The following TMEM87A variants were observed in gnomAD, a reference collection of about 807,000 sequenced individuals.
The protein encoded by TMEM87A is Golgi-pH regulating cation channel.
A neutral mutation model predicts 90.0 loss-of-function variants in TMEM87A; 50 were observed. That is an observed-to-expected ratio of 0.56 (90% CI 0.44 to 0.70). The LOEUF is 0.70. Ranked by LOEUF, TMEM87A falls within the 30% of genes least tolerant of loss-of-function variation. The probability of loss-of-function intolerance (pLI) is 0.00; values close to 1 mark genes in which losing one functional copy is unlikely to be tolerated. For missense variants in TMEM87A, 577 were observed against 660.5 expected (o/e 0.87, Z 1.39); for synonymous variants, 226 against 226.7 (o/e 1.00, Z 0.03).
At chr15:42,247,087 C>T (rs12441016) in intron 6 of TMEM87A, among the ~76,000 whole-genome samples, 10,056 of 152,218 alleles carry the variant, frequency 0.066, 735 homozygotes, top group Admixed American at 0.17. Context: ...GCTGCATAAA[C>T]GTCTTCTTCT....
chr15:42,267,134 C>A (rs2051422746), intron 3 of TMEM87A, among the ~76,000 whole-genome samples: 1 of 152,056 alleles, frequency 6.6e-6, no homozygotes, highest in Non-Finnish European at 1.5e-5. Flanking sequence ...ATGAAGAGGG[C>A]AGGGTATAGT....
chr15:42,273,172 C>T (rs183875403), intron 1 of TMEM87A, 83 bp downstream of exon 1: 6 of 1,550,856 alleles, frequency 3.9e-6, no homozygotes, highest in Admixed American at 1.8e-5. Context: ...GAGACTTTTG[C>T]GGAACCTTCA....
At chr15:42,218,066 T>C (rs2050411946) in intron 18 of TMEM87A, 3 of 618,048 alleles carry the variant, frequency 4.9e-6, no homozygotes, top group South Asian at 2.3e-5. Context: ...ATTAAAATTA[T>C]AGCCCTGGAA....
intron 8 of TMEM87A, 30 bp from the exon 9 acceptor site, chr15:42,237,645 G>C: frequency 6.6e-7 from 1 of 1,522,376 alleles, no homozygotes. Flanking sequence ...AAGATAAAAA[G>C]GAGAATTAGG....
chr15:42,261,523 T>A (rs1298286562), intron 4 of TMEM87A, among the ~76,000 whole-genome samples: 2 of 152,194 alleles, frequency 1.3e-5, no homozygotes, highest in African/African-American at 4.8e-5. Context: ...AGATATAGGA[T>A]GTATGCTTAG....
chr15:42,214,547 C>T (rs2050349723), intron 19 of TMEM87A, among the ~76,000 whole-genome samples: 1 of 152,018 alleles, frequency 6.6e-6, no homozygotes, highest in South Asian at 2.1e-4. Context: ...AACTGATCTT[C>T]GAAAAGAGAG....
chr15:42,238,301 C>T (rs1027509336), intron 8 of TMEM87A, among the ~76,000 whole-genome samples: 1 of 151,924 alleles, frequency 6.6e-6, no homozygotes, highest in Admixed American at 6.6e-5. Context: ...GGCATGGTGG[C>T]TCATGCCTGT....
intron 15 of TMEM87A, among the ~76,000 whole-genome samples, chr15:42,223,632 C>T (rs1052239118): frequency 6.6e-6 from 1 of 152,128 alleles, no homozygotes; most frequent in African/African-American, 2.4e-5. Context: ...TGTGACGACC[C>T]AGTAAGAAGG....
rs1361505515 is a variant in TMEM87A at position 42,246,574 on chromosome 15, C to G, written c.505-2407G>C. On this transcript the variant is annotated intron_variant, in intron 6 of 19. Transcript: ENST00000389834. The stretch of plus-strand genomic sequence containing the variant: ...GGTTTTCTGTCCTCGAGAGTTTGCT[C>G]AGAATGATGCTTTCCAGCTTCATCC... Among the ~76,000 whole-genome samples the G allele has an allele frequency of 2.6e-5, 4 of 152,102 alleles. No individual in the cohort carries two copies. In the East Asian group the frequency reaches 7.7e-4, roughly 29 times the overall value.
chr15:42,267,995 G>C lies in TMEM87A; in HGVS notation c.243C>G (p.Thr81=), dbSNP rs370926634. The C allele has an allele frequency of 6.8e-6, 11 of 1,613,378 alleles. No homozygotes were observed. Among genetic ancestry groups the C allele is most frequent in the African/African-American group, 1.3e-5 (1 of 74,974 alleles). ...AACAATCAGCGCTTTTCAGATACCA[G>C]GTTATATTCAAAGACAGGTCACAAG... The part of the protein sequence containing the change: ...GEPCDLSLNI[T]WYLKSADCYN... The change falls in exon 3 of 20, where the codon ACC becomes ACG. Residue 81 remains threonine (T), a synonymous_variant. Transcript: ENST00000389834.
intron 4 of TMEM87A, among the ~76,000 whole-genome samples, chr15:42,261,637 C>CTT (rs3035840): frequency 0.71 from 102,670 of 143,730 alleles, 39,340 homozygotes; most frequent in Non-Finnish European, 0.86. Flanking sequence ...ACCTAATATT[C>CTT]TTTTTTTTTT....
intron 2 of TMEM87A, among the ~76,000 whole-genome samples, chr15:42,270,673 A>G (rs1415475998): frequency 6.6e-6 from 1 of 152,220 alleles, no homozygotes; most frequent in Non-Finnish European, 1.5e-5. Context: ...GGACCTAATA[A>G]AAGAATAAAA....
chr15:42,220,163 A>T, intron 15 of TMEM87A, 28 bp from the exon 16 acceptor site: 1 of 1,561,612 alleles, frequency 6.4e-7, no homozygotes, highest in South Asian at 1.2e-5. Context: ...AACAGAAGGA[A>T]AAAATTAGAA....
intron 10 of TMEM87A, among the ~76,000 whole-genome samples, chr15:42,235,276 C>T (rs770050540): frequency 6.6e-6 from 1 of 152,174 alleles, no homozygotes; most frequent in South Asian, 2.1e-4. Context: ...TGACCTCAGG[C>T]AATCTGCCCG....
intron 6 of TMEM87A, among the ~76,000 whole-genome samples, chr15:42,246,925 T>A (rs1314443173): frequency 1.3e-5 from 2 of 152,236 alleles, no homozygotes; most frequent in Non-Finnish European, 2.9e-5. Context: ...GTAAAAGTGT[T>A]CCTATTTCTC....
intron 6 of TMEM87A, among the ~76,000 whole-genome samples, chr15:42,252,336 G>A (rs1262815724): frequency 1.3e-5 from 2 of 152,154 alleles, no homozygotes; most frequent in South Asian, 2.1e-4. Context: ...TGTCGATCAC[G>A]CTGGGAGCTG....
At chr15:42,220,161 GAA>G (rs1360029757) in intron 15 of TMEM87A, 26 bp from the exon 16 acceptor site, 2 of 1,558,956 alleles carry the variant, frequency 1.3e-6, no homozygotes, top group Admixed American at 4.3e-5. Flanking sequence ...TGAACAGAAG[GAA>G]AAAATTAGAA....
intron 15 of TMEM87A, 139 bp downstream of exon 15, chr15:42,226,667 G>A: frequency 5.6e-6 from 4 of 719,504 alleles, no homozygotes; most frequent in Admixed American, 2.4e-5. Context: ...AGCTGAGATA[G>A]GAACCCAGTT....
At chr15:42,260,840 T>C in intron 6 of TMEM87A, 118 bp downstream of exon 6, 2 of 1,129,560 alleles carry the variant, frequency 1.8e-6, no homozygotes, top group Non-Finnish European at 2.5e-6. Context: ...GGTCTATAGC[T>C]TCCAGATTTA....
Sources: gnomAD v4.1 joint callset for allele counts (sites outside exome capture counted in the v4.1 genomes callset) on GRCh38, gnomAD v4.1.1 for gene constraint, MANE v1.5 for transcripts, NCBI Gene and HGNC (gene_info 2026-07-23, HGNC 2026-07-21) for gene names.